SLC35D4: variants seen among roughly 807,000 people sequenced by gnomAD.
The protein encoded by SLC35D4 is UDP-N-acetylglucosamine transporter SLC35D4.
chr18:23,249,811 C>G, the SLC35D4 span, among the ~76,000 whole-genome samples: 1 of 152,030 alleles, frequency 6.6e-6, no homozygotes, highest in South Asian at 2.1e-4. Flanking sequence ...TGGTGAGAGC[C>G]CTTGTCTAGG....
the SLC35D4 span, among the ~76,000 whole-genome samples, chr18:23,305,197 A>G: frequency 2.0e-4 from 31 of 152,356 alleles, no homozygotes; most frequent in African/African-American, 7.0e-4. Context: ...CAGTTCCTGA[A>G]CAGGAATTAG....
the SLC35D4 span, among the ~76,000 whole-genome samples, chr18:23,411,553 G>GAAAA: frequency 1.3e-5 from 2 of 151,132 alleles, no homozygotes; most frequent in African/African-American, 4.9e-5. Context: ...AAGAAAGAAA[G>GAAAA]GTGTGTGCTG....
the SLC35D4 span, among the ~76,000 whole-genome samples, chr18:23,349,620 GACT>G: frequency 7.9e-5 from 12 of 152,204 alleles, no homozygotes; most frequent in African/African-American, 1.7e-4. Context: ...GACAGAGCGA[GACT>G]ACGTCTCAAA....
the SLC35D4 span, among the ~76,000 whole-genome samples, chr18:23,333,106 A>G: frequency 4.0e-3 from 613 of 152,360 alleles, 6 homozygotes; most frequent in African/African-American, 0.014. Context: ...CATAAAAAGC[A>G]TAAGTATTGA....
chr18:23,297,479 C>T, the SLC35D4 span: 1 of 151,696 alleles, frequency 6.6e-6, no homozygotes. Flanking sequence ...GATCGCACCA[C>T]TGTGCTTCAG....
chr18:23,280,058 G>T, the SLC35D4 span, among the ~76,000 whole-genome samples: 1 of 152,210 alleles, frequency 6.6e-6, no homozygotes, highest in Non-Finnish European at 1.5e-5. Flanking sequence ...GGCAGCCCTA[G>T]GAAATGAATC....
the SLC35D4 span, among the ~76,000 whole-genome samples, chr18:23,330,505 C>T: frequency 6.6e-6 from 1 of 152,188 alleles, no homozygotes; most frequent in East Asian, 1.9e-4. Context: ...GGTGAATACC[C>T]CCTACATTAA....
At chr18:23,309,361 T>C in the SLC35D4 span, among the ~76,000 whole-genome samples, 3 of 152,122 alleles carry the variant, frequency 2.0e-5, no homozygotes, top group African/African-American at 7.2e-5. Flanking sequence ...TGACCAGCAG[T>C]GGCTGCCCTG....
At chr18:23,311,274 T>G in the SLC35D4 span, among the ~76,000 whole-genome samples, 3,177 of 152,220 alleles carry the variant, frequency 0.021, 108 homozygotes, top group African/African-American at 0.072. Flanking sequence ...TATTTGTTTG[T>G]AGAGACAACG....
the SLC35D4 span, among the ~76,000 whole-genome samples, chr18:23,353,413 C>T: frequency 6.6e-6 from 1 of 152,112 alleles, no homozygotes; most frequent in Non-Finnish European, 1.5e-5. Flanking sequence ...TTCAACGGAG[C>T]CTAATATGGT....
At chr18:23,430,891 C>T in the SLC35D4 span, among the ~76,000 whole-genome samples, 2 of 152,130 alleles carry the variant, frequency 1.3e-5, no homozygotes, top group Admixed American at 1.3e-4. Context: ...CACGGTGGCT[C>T]ATGCCTGTAA....
At chr18:23,426,844 A>C in the SLC35D4 span, among the ~76,000 whole-genome samples, 2 of 152,302 alleles carry the variant, frequency 1.3e-5, no homozygotes, top group East Asian at 3.9e-4. Context: ...AACAGAACAG[A>C]GCCCCCAGAA....
chr18:23,381,838 T>C, the SLC35D4 span, among the ~76,000 whole-genome samples: 2 of 152,226 alleles, frequency 1.3e-5, no homozygotes, highest in East Asian at 1.9e-4. Context: ...CTACAGGCTC[T>C]GGCCTGCTCA....
At chr18:23,329,044 C>CAA in the SLC35D4 span, among the ~76,000 whole-genome samples, 1 of 152,120 alleles carries the variant, frequency 6.6e-6, no homozygotes, top group Non-Finnish European at 1.5e-5. Context: ...ACACCTTATA[C>CAA]AAAAATTAAT....
the SLC35D4 span, among the ~76,000 whole-genome samples, chr18:23,272,692 C>G: frequency 6.6e-6 from 1 of 152,168 alleles, no homozygotes; most frequent in East Asian, 1.9e-4. Context: ...GAAACCACAC[C>G]TGACTGCCTA....
At chr18:23,273,366 G>A in the SLC35D4 span, among the ~76,000 whole-genome samples, 1 of 152,212 alleles carries the variant, frequency 6.6e-6, no homozygotes, top group East Asian at 1.9e-4. Context: ...CACTGGGACG[G>A]TGAATGAGCT....
chr18:23,437,931 G>T, the SLC35D4 span: 1 of 1,453,628 alleles, frequency 6.9e-7, no homozygotes, highest in Non-Finnish European at 9.4e-7. Flanking sequence ...CGCAGCAGCA[G>T]CAGCGGCAGC....
the SLC35D4 span, among the ~76,000 whole-genome samples, chr18:23,289,015 G>A: frequency 2.0e-5 from 3 of 152,140 alleles, no homozygotes; most frequent in Admixed American, 6.6e-5. Flanking sequence ...CTGTACGGAC[G>A]CTCCTTTTTA....
the SLC35D4 span, among the ~76,000 whole-genome samples, chr18:23,254,680 T>C: frequency 6.6e-6 from 1 of 152,230 alleles, no homozygotes; most frequent in Non-Finnish European, 1.5e-5. Context: ...GAGGTTCCTC[T>C]CCTTGCTCAT....
Sources: gnomAD v4.1 joint callset for allele counts (sites outside exome capture counted in the v4.1 genomes callset) on GRCh38, gnomAD v4.1.1 for gene constraint, MANE v1.5 for transcripts, NCBI Gene and HGNC (gene_info 2026-07-23, HGNC 2026-07-21) for gene names.